Variants in DAPK1 observed in about 807,000 individuals in gnomAD.
DAPK1 encodes death associated protein kinase 1, also known as death-associated protein kinase 1.
A neutral mutation model predicts 144.9 loss-of-function variants in DAPK1; 56 were observed. That is an observed-to-expected ratio of 0.39 (90% CI 0.31 to 0.48). DAPK1 has a LOEUF of 0.48. DAPK1 is among the 20% of genes least tolerant of loss of function. The pLI, the probability that DAPK1 is intolerant of heterozygous loss-of-function variation, is 0.95. For missense variants in DAPK1, 1,454 were observed against 1,875.4 expected (o/e 0.78, Z 4.15); for synonymous variants, 690 against 749.0 (o/e 0.92, Z 1.29).
intron 18 of DAPK1, among the ~76,000 whole-genome samples, chr9:87,659,100 C>T (rs898813925): frequency 1.3e-5 from 2 of 152,240 alleles, no homozygotes; most frequent in Non-Finnish European, 2.9e-5. Flanking sequence ...AGCCGAAACA[C>T]CTACTTGCCT....
chr9:87,538,932 G>A (rs1825948075), intron 2 of DAPK1, among the ~76,000 whole-genome samples: 1 of 151,078 alleles, frequency 6.6e-6, no homozygotes, highest in African/African-American at 2.4e-5. Context: ...TAAGAGATCT[G>A]CTAAACAGCC....
chr9:87,544,115 A>G (rs1403543018), intron 2 of DAPK1, among the ~76,000 whole-genome samples: 1 of 152,204 alleles, frequency 6.6e-6, no homozygotes, highest in Non-Finnish European at 1.5e-5. Flanking sequence ...TCATTATCTA[A>G]ATTTTAGAAA....
At chr9:87,571,042 C>T (rs1446147243) in intron 2 of DAPK1, among the ~76,000 whole-genome samples, 1 of 152,172 alleles carries the variant, frequency 6.6e-6, no homozygotes, top group East Asian at 1.9e-4. Context: ...GAAAGTTTAG[C>T]ACTTGAATTT....
chr9:87,575,521 G>GA (rs1245436995), intron 2 of DAPK1, among the ~76,000 whole-genome samples: 1 of 152,038 alleles, frequency 6.6e-6, no homozygotes, highest in Non-Finnish European at 1.5e-5. Context: ...TCCCGATTTC[G>GA]AAAAAACAAA....
At chr9:87,654,753 A>G (rs1181269579) in intron 17 of DAPK1, among the ~76,000 whole-genome samples, 5 of 152,140 alleles carry the variant, frequency 3.3e-5, no homozygotes, top group Non-Finnish European at 7.4e-5. Context: ...CTGTGCACCC[A>G]GGGGTCTACT....
chr9:87,693,575 A>G (rs918087872), intron 21 of DAPK1, among the ~76,000 whole-genome samples: 11 of 152,070 alleles, frequency 7.2e-5, no homozygotes, highest in Non-Finnish European at 2.9e-5. Flanking sequence ...ATTTTTCATT[A>G]GAATCTGTTG....
intron 3 of DAPK1, among the ~76,000 whole-genome samples, chr9:87,625,455 A>T (rs1462479325): frequency 1.3e-5 from 2 of 152,210 alleles, no homozygotes; most frequent in African/African-American, 4.8e-5. Context: ...GCATCACTAA[A>T]TGCAGAGTGG....
intron 17 of DAPK1, among the ~76,000 whole-genome samples, chr9:87,655,949 C>T (rs942748595): frequency 2.6e-5 from 4 of 152,212 alleles, no homozygotes; most frequent in Non-Finnish European, 5.9e-5. Flanking sequence ...GGGAGGAACT[C>T]GTAGATGCCA....
intron 2 of DAPK1, among the ~76,000 whole-genome samples, chr9:87,552,247 G>A (rs980015578): frequency 6.6e-6 from 1 of 152,076 alleles, no homozygotes; most frequent in African/African-American, 2.4e-5. Flanking sequence ...GTGAGGCTTG[G>A]TCTGCCTAGA....
chr9:87,643,183 T>A (rs149284381), intron 10 of DAPK1, among the ~76,000 whole-genome samples, 193 bp from the exon 11 acceptor site: 1 of 152,142 alleles, frequency 6.6e-6, no homozygotes, highest in Non-Finnish European at 1.5e-5. Context: ...AATTATTCTT[T>A]AAGCAAATAC....
rs199698393 is a variant in DAPK1, at chr9:87,658,052, T to C, written c.1848T>C (p.Leu616=). The change falls in exon 18 of 26, where the codon CTT becomes CTC. Residue 616 remains leucine, a synonymous_variant. Transcript: ENST00000408954. The stretch of plus-strand genomic sequence containing the variant: ...AGTATGGGCGAACGCCTCTGCACCT[T>C]GCGGCCAACAACGGAATCCTAGACG... ...SNKYGRTPLH[L]AANNGILDVV... is the part of the protein sequence containing the mutation. The C allele has an allele frequency of 6.0e-5, 91 of 1,510,510 alleles. No individual in the cohort carries two copies. In the African/African-American group the frequency reaches 1.1e-3, roughly 18 times the overall value. 93.6% of individuals were successfully genotyped at this position (1,510,510 alleles called of 1,614,324 possible).
At chr9:87,600,813 GA>G (rs1456696662) in intron 2 of DAPK1, among the ~76,000 whole-genome samples, 1 of 152,150 alleles carries the variant, frequency 6.6e-6, no homozygotes, top group African/African-American at 2.4e-5. Context: ...GTTAATTACT[GA>G]CTGGCCTCAG....
chr9:87,672,557 C>T (rs1824210760), intron 19 of DAPK1, among the ~76,000 whole-genome samples: 1 of 152,106 alleles, frequency 6.6e-6, no homozygotes. Flanking sequence ...ATGGGGAGGC[C>T]CAGGGTTCTA....
chr9:87,686,783 C>A lies in DAPK1; in HGVS notation c.2413+44C>A. 1 of 1,491,630 alleles carries A rather than the reference C, an allele frequency of 6.7e-7. No homozygotes were observed. Among genetic ancestry groups the A allele is most frequent in the Non-Finnish European group, 9.3e-7 (1 of 1,080,322 alleles). The allele number at this position is 1,491,630 out of a possible 1,614,324, so 92.4% of individuals were successfully genotyped here. Reference sequence around the variant, plus strand: ...AAGGGAAGGACCTCAGGTTTCCCTTCAACAGGGTTGTAAGTCATCCCTAAA... The same window carrying A: ...AAGGGAAGGACCTCAGGTTTCCCTTAAACAGGGTTGTAAGTCATCCCTAAA... On this transcript the variant is annotated intron_variant, in intron 21 of 25. Transcript: ENST00000408954. This position sits in a 1 kb window ranked among gnomAD's most constrained non-coding sequence, Gnocchi z 4.2.
At chr9:87,697,765 C>T (rs1047064685) in intron 22 of DAPK1, among the ~76,000 whole-genome samples, 1 of 152,144 alleles carries the variant, frequency 6.6e-6, no homozygotes, top group Non-Finnish European at 1.5e-5. Context: ...CCAGCCTGGC[C>T]CACATGGCAA....
intron 2 of DAPK1, among the ~76,000 whole-genome samples, chr9:87,602,653 A>G (rs1211999974): frequency 1.3e-5 from 2 of 151,574 alleles, no homozygotes; most frequent in African/African-American, 4.9e-5. Context: ...TTTCCCCCTG[A>G]GACGGAGTTT....
chr9:87,686,890 G>A lies in DAPK1; in HGVS notation c.2413+151G>A. The A allele has an allele frequency of 2.1e-6, 3 of 1,417,354 alleles. No individual in the cohort carries two copies. Among genetic ancestry groups the A allele is most frequent in the Non-Finnish European group, 2.8e-6 (3 of 1,082,358 alleles). 87.8% of individuals were successfully genotyped at this position (1,417,354 alleles called of 1,614,324 possible). On this transcript the variant is annotated intron_variant, in intron 21 of 25. Coordinates refer to ENST00000408954, the MANE Select transcript of DAPK1 (RefSeq NM_004938.4). This position sits in a 1 kb window ranked among gnomAD's most constrained non-coding sequence, Gnocchi z 4.2. ...ATATTCAGAGTGAGCCAGGACTGAA[G>A]CATGGCTGGCTACCATCCCTAAACA...
chr9:87,638,044 A>G lies in DAPK1; in HGVS notation c.386A>G (p.Tyr129Cys). Residue 129 changes from tyrosine (Y) to cysteine (C), a missense_variant, in exon 4 of 26, where the codon TAC (tyrosine) becomes TGC (cysteine). By Grantham distance (194) the Tyr-to-Cys change is radical. Transcript: ENST00000408954. Reference sequence around the variant, plus strand: ...AAACAAATTCTTAATGGTGTTTACTACCTGCACTCCCTTCAAATCGCCCAC... The same window carrying G: ...AAACAAATTCTTAATGGTGTTTACTGCCTGCACTCCCTTCAAATCGCCCAC... ...FLKQILNGVY[Y>C]LHSLQIAHFD... The G allele has an allele frequency of 6.2e-7, 1 of 1,613,824 alleles. No individual in the cohort carries two copies. Among genetic ancestry groups the G allele is most frequent in the Non-Finnish European group, 8.5e-7 (1 of 1,179,710 alleles).
intron 3 of DAPK1, among the ~76,000 whole-genome samples, chr9:87,622,547 A>AT (rs1038636536): frequency 6.6e-6 from 1 of 152,174 alleles, no homozygotes; most frequent in Non-Finnish European, 1.5e-5. Context: ...GGAAAAAAAA[A>AT]GATTGCTTTT....
Sources: allele counts gnomAD v4.1 joint callset (sites outside exome capture counted in the v4.1 genomes callset), GRCh38; gene constraint gnomAD v4.1.1; non-coding constraint Gnocchi (gnomAD v3.1); transcripts MANE v1.5; gene names NCBI Gene and HGNC (gene_info 2026-07-23, HGNC 2026-07-21).